Variants in PAMR1 observed in about 807,000 individuals in gnomAD.
PAMR1 encodes the protein peptidase domain containing associated with muscle regeneration 1.
PAMR1 carries 88 observed loss-of-function variants against 81.8 expected under a neutral mutation model. The ratio of observed to expected loss-of-function variants is 1.08; its 90% CI spans 0.91 to 1.28. PAMR1 has a LOEUF of 1.28. PAMR1 is among the 50% of genes most tolerant of loss of function. The pLI, the probability that PAMR1 is intolerant of heterozygous loss-of-function variation, is 0.00. For missense variants in PAMR1, 935 were observed against 919.7 expected (o/e 1.02, Z -0.21); for synonymous variants, 336 against 345.3 (o/e 0.97, Z 0.30).
At chr11:35,488,023 G>A (rs896664425) in intron 3 of PAMR1, among the ~76,000 whole-genome samples, 2 of 152,180 alleles carry the variant, frequency 1.3e-5, no homozygotes, top group South Asian at 4.2e-4. Flanking sequence ...AGAAAAGGAA[G>A]CTCCCTCTCC....
At chr11:35,462,032 G>T (rs573028293) in intron 6 of PAMR1, among the ~76,000 whole-genome samples, 152 of 149,814 alleles carry the variant, frequency 1.0e-3, no homozygotes, top group African/African-American at 3.7e-3. Flanking sequence ...CTGAAGTCTT[G>T]ATTGCTCCTT....
upstream of PAMR1, chr11:35,525,648 G>C: frequency 6.8e-7 from 1 of 1,468,314 alleles, no homozygotes; most frequent in Admixed American, 1.8e-5. Flanking sequence ...AGGGAGGCCG[G>C]GGGCAGGCGG....
At chr11:35,479,933 C>T (rs1850353693) in intron 3 of PAMR1, among the ~76,000 whole-genome samples, 1 of 152,194 alleles carries the variant, frequency 6.6e-6, no homozygotes, top group Admixed American at 6.5e-5. Flanking sequence ...ATAGTAAGTA[C>T]TACGTGTTGG....
intron 5 of PAMR1, among the ~76,000 whole-genome samples, chr11:35,469,334 A>AT (rs1271580986): frequency 1.3e-5 from 2 of 152,242 alleles, no homozygotes; most frequent in Non-Finnish European, 2.9e-5. Flanking sequence ...TGAGGAGGTC[A>AT]TTTCAGAGGA....
intron 2 of PAMR1, among the ~76,000 whole-genome samples, chr11:35,492,868 G>T (rs192324360): frequency 6.6e-6 from 1 of 152,166 alleles, no homozygotes; most frequent in South Asian, 2.1e-4. Context: ...GAGGGGGGTC[G>T]TGAGAAAAAG....
chr11:35,491,946 C>G (rs1850633963), intron 3 of PAMR1, 99 bp downstream of exon 3: 1 of 1,158,068 alleles, frequency 8.6e-7, no homozygotes, highest in Non-Finnish European at 1.2e-6. Context: ...TGCAGGCTTT[C>G]CAAAACTCAG....
intron 6 of PAMR1, among the ~76,000 whole-genome samples, chr11:35,463,578 A>C (rs976626913): frequency 1.3e-5 from 2 of 152,186 alleles, no homozygotes; most frequent in Non-Finnish European, 2.9e-5. Flanking sequence ...GAAACTTCAG[A>C]GGGAAGAAGG....
At chr11:35,526,404 C>T (rs982327119), upstream of PAMR1, among the ~76,000 whole-genome samples, 3 of 152,198 alleles carry the variant, frequency 2.0e-5, no homozygotes, top group Non-Finnish European at 4.4e-5. Flanking sequence ...CCCTCACTGC[C>T]TCCACCAAAA....
intron 6 of PAMR1, 93 bp from the exon 7 acceptor site, chr11:35,441,786 C>A (rs1856176316): frequency 2.5e-6 from 2 of 806,854 alleles, no homozygotes; most frequent in Admixed American, 6.0e-5. Flanking sequence ...ACTAAAAATA[C>A]AATGATATAG....
At chr11:35,493,106 C>G (rs745898321) in intron 2 of PAMR1, among the ~76,000 whole-genome samples, 1 of 152,152 alleles carries the variant, frequency 6.6e-6, no homozygotes, top group East Asian at 1.9e-4. Context: ...TAGATCCCAA[C>G]GTGTGGTCAA....
chr11:35,513,958 A>T (rs949196375), intron 1 of PAMR1, among the ~76,000 whole-genome samples: 6 of 152,196 alleles, frequency 3.9e-5, no homozygotes, highest in Admixed American at 1.3e-4. Flanking sequence ...GTAAAGCTGT[A>T]CTTTGCACTG....
Position 35,470,562 on chromosome 11 carries a change from CA to C in PAMR1, c.712+38del, listed in dbSNP as rs759763733. On this transcript the variant is annotated intron_variant, in intron 5 of 10. Transcript: ENST00000619888. ...ATGGAAAGGAGATATTTATCTGGAG[CA>C]AGCCATAAAATGCCACATTTGTCTC... 3.3e-5 allele frequency: 48 copies of C among 1,459,088 alleles called. 1 individual carries two copies. The East Asian group carries it at 1.1e-3, about 33-fold the overall frequency. 90.4% of individuals were successfully genotyped at this position (1,459,088 alleles called of 1,614,324 possible).
rs115611971 is a variant in PAMR1 at position 35,434,144 on chromosome 11, G to T, written c.1626+368C>A. 1.3e-3 allele frequency among the ~76,000 whole-genome samples: 198 copies of T among 152,234 alleles called. 1 individual carries two copies. Among genetic ancestry groups the T allele is most frequent in the African/African-American group, 4.5e-3 (189 of 41,548 alleles). On this transcript the variant is annotated intron_variant, in intron 10 of 10. Transcript: ENST00000619888. ...CATGGAGCTAACGGTTTCAGGCAGA[G>T]CCAGCCATTAAACAAATAATTTCAC...
chr11:35,514,210 G>A lies in PAMR1; in HGVS notation c.73+11303C>T, dbSNP rs531448012. The stretch of plus-strand genomic sequence containing the variant: ...CACTGCAGTTGAAAAAACACAATGA[G>A]CATAAAGGGTTTTTGAAGAAAAAAA... On this transcript the variant is annotated intron_variant, in intron 1 of 10. Coordinates refer to ENST00000619888, the MANE Select transcript of PAMR1 (RefSeq NM_001001991.3). Among the ~76,000 whole-genome samples the A allele has an allele frequency of 1.2e-4, 18 of 152,240 alleles. 2 individuals carry two copies. The South Asian group carries it at 3.7e-3, about 32-fold the overall frequency.
At position 35,456,839 on chromosome 11, in the gene PAMR1, G is replaced by A. The variant is rs544075763; in HGVS notation, c.820+11162C>T. On this transcript the variant is annotated intron_variant, in intron 6 of 10. Transcript: ENST00000619888. ...CACTCACTCCCATGAACCTACAATG[G>A]ACTAAACTTGCTCTTACACACAGAG... 7.9e-5 allele frequency among the ~76,000 whole-genome samples: 12 copies of A among 152,286 alleles called. No individual in the cohort carries two copies. In the South Asian group the frequency reaches 2.1e-3, roughly 26 times the overall value.
chr11:35,436,027 G>GGCAGA lies in PAMR1; in HGVS notation c.1208_1209insTCTGC (p.Gln404LeufsTer29). 1 of 1,614,072 alleles carries GGCAGA rather than the reference G, an allele frequency of 6.2e-7. No individual in the cohort carries two copies. The highest frequency in any genetic ancestry group is 8.5e-7 in the Non-Finnish European group (1 of 1,179,964). On this transcript the variant is annotated frameshift_variant, in exon 9 of 11. Coordinates refer to ENST00000619888, the MANE Select transcript of PAMR1 (RefSeq NM_001001991.3). LOFTEE classifies it high-confidence loss of function. ...ACTGGAGCTGGGTATGCAGATGTTGGTATCCCATGGGCAGATCTCCAAAGG... is the reference window on the plus strand; with the variant it reads ...ACTGGAGCTGGGTATGCAGATGTTGGGCAGATATCCCATGGGCAGATCTCCAAAGG...
chr11:35,525,327 TC>T (rs1851365070), intron 1 of PAMR1, among the ~76,000 whole-genome samples, 185 bp downstream of exon 1: 1 of 151,912 alleles, frequency 6.6e-6, no homozygotes, highest in Admixed American at 6.5e-5. Flanking sequence ...CCACAGGAGC[TC>T]CAGCACCACC....
intron 6 of PAMR1, among the ~76,000 whole-genome samples, chr11:35,459,630 G>C (rs554989659): frequency 6.0e-4 from 92 of 152,260 alleles, no homozygotes; most frequent in African/African-American, 1.9e-3. Context: ...AGATTCCTCG[G>C]CTGCTAGGCA....
Position 35,522,871 on chromosome 11 carries a change from A to G in PAMR1, c.73+2642T>C, listed in dbSNP as rs57220619. Among the ~76,000 whole-genome samples the G allele has an allele frequency of 6.5e-3, 992 of 152,370 alleles. 12 individuals are homozygous for G. The highest frequency in any genetic ancestry group is 0.023 in the African/African-American group (960 of 41,594). ...CAGGGTGGTCTGAGAATTAATGCAT[A>G]TGAAGCCTTTGGCTCAAAGACTGGA... On this transcript the variant is annotated intron_variant, in intron 1 of 10. Transcript: ENST00000619888.
Sources: allele counts gnomAD v4.1 joint callset (sites outside exome capture counted in the v4.1 genomes callset), GRCh38; gene constraint gnomAD v4.1.1; transcripts MANE v1.5; gene names NCBI Gene and HGNC (gene_info 2026-07-23, HGNC 2026-07-21).